The following KIF13A variants were observed in gnomAD, a reference collection of about 807,000 sequenced individuals.
KIF13A encodes kinesin family member 13A.
Under a neutral mutation model 212.2 loss-of-function variants are expected in KIF13A, and 79 were observed. That is an observed-to-expected ratio of 0.37 (90% CI 0.31 to 0.45). KIF13A has a LOEUF of 0.45. Ranked by LOEUF, KIF13A falls within the 20% of genes least tolerant of loss-of-function variation. The pLI, the probability that KIF13A is intolerant of heterozygous loss-of-function variation, is 1.00. For synonymous variants in KIF13A, 789 were observed against 808.6 expected (o/e 0.98, Z 0.41); for missense variants, 1,901 against 2,209.0 (o/e 0.86, Z 2.79).
intron 3 of KIF13A, among the ~76,000 whole-genome samples, chr6:17,874,920 T>C (rs1770363747): frequency 1.7e-5 from 2 of 118,430 alleles, no homozygotes; most frequent in African/African-American, 2.9e-5. Flanking sequence ...TCCAATCTCA[T>C]GCAGGTCGCT....
intron 2 of KIF13A, among the ~76,000 whole-genome samples, chr6:17,935,677 C>T (rs1187262762): frequency 6.6e-6 from 1 of 152,058 alleles, no homozygotes; most frequent in African/African-American, 2.4e-5. Context: ...GAGGAACTAC[C>T]CTTGACAGTC....
intron 38 of KIF13A, among the ~76,000 whole-genome samples, chr6:17,765,890 T>C (rs1360048030): frequency 6.6e-6 from 1 of 152,186 alleles, no homozygotes; most frequent in Non-Finnish European, 1.5e-5. Context: ...ATTCAACAAA[T>C]ACACACTGAA....
chr6:17,869,396 G>A (rs969929109), intron 4 of KIF13A, among the ~76,000 whole-genome samples: 8 of 152,100 alleles, frequency 5.3e-5, no homozygotes, highest in African/African-American at 9.7e-5. Context: ...TCCCTAAGTC[G>A]CCAGGTACTT....
rs534358456 is a variant in KIF13A, at chr6:17,871,542, A to G, written c.220+1835T>C. ...CACACACACAGTGGGTTGGGGGGGG[A>G]GTCATGAATACTTAAAAAATTATTG... On this transcript the variant is annotated intron_variant, in intron 4 of 38. Coordinates refer to ENST00000259711, the MANE Select transcript of KIF13A (RefSeq NM_022113.6). This position sits in a 1 kb window ranked among gnomAD's most constrained non-coding sequence, Gnocchi z 4.4. 6.6e-6 allele frequency among the ~76,000 whole-genome samples: 1 copy of G among 151,828 alleles called. No homozygotes were observed. The highest frequency in any genetic ancestry group is 2.4e-5 in the African/African-American group (1 of 41,366).
rs1206663503 is a variant in KIF13A at position 17,886,173 on chromosome 6, C to T, written c.159+11995G>A. 6.6e-6 allele frequency among the ~76,000 whole-genome samples: 1 copy of T among 152,206 alleles called. No individual in the cohort carries two copies. The highest frequency in any genetic ancestry group is 1.5e-5 in the Non-Finnish European group (1 of 68,046). ...AATAAAACCTAGATTAAATCTGAGT[C>T]ATGCTAATATCACCCACCATGAGCA... On this transcript the variant is annotated intron_variant, in intron 3 of 38. Coordinates refer to ENST00000259711, the MANE Select transcript of KIF13A (RefSeq NM_022113.6). This position sits in a 1 kb window ranked among gnomAD's most constrained non-coding sequence, Gnocchi z 5.6.
Position 17,869,577 on chromosome 6 carries a change from A to C in KIF13A, c.220+3800T>G, listed in dbSNP as rs528795511. Among the ~76,000 whole-genome samples, 3 of 152,298 alleles carry C rather than the reference A, an allele frequency of 2.0e-5. No homozygotes were observed. The East Asian group carries it at 5.8e-4, about 29-fold the overall frequency. On this transcript the variant is annotated intron_variant, in intron 4 of 38. Transcript: ENST00000259711. ...GGTGTTAGAGCCAGGATTTGAACCA[A>C]GTCTGACTTAAGAGCCCATATTCTT...
chr6:17,788,185 G>A (rs891895700), intron 26 of KIF13A, among the ~76,000 whole-genome samples: 32 of 152,116 alleles, frequency 2.1e-4, no homozygotes, highest in African/African-American at 5.3e-4. Context: ...TATTTAAATC[G>A]TAGCTATTCA....
Position 17,766,219 on chromosome 6 carries a change from G to GATTGATTGATTTATTT in KIF13A, c.4582-1274_4582-1273insAAATAAATCAATCAAT, listed in dbSNP as rs1554158989. On this transcript the variant is annotated intron_variant, in intron 38 of 38. Coordinates refer to ENST00000259711, the MANE Select transcript of KIF13A (RefSeq NM_022113.6). ...ATTAATTTACTTATTTTATTTTTAA[G>GATTGATTGATTTATTT]ATTTATTTATTTATTTATTTATTTA... is the stretch of plus-strand genomic sequence containing the variant. 3.8e-3 allele frequency among the ~76,000 whole-genome samples: 555 copies of GATTGATTGATTTATTT among 144,708 alleles called. 2 individuals are homozygous for GATTGATTGATTTATTT. The highest frequency in any genetic ancestry group is 0.013 in the African/African-American group (513 of 38,978). 94.9% of individuals were successfully genotyped at this position (144,708 alleles called of 152,430 possible).
At chr6:17,844,398 C>T (rs908673908) in intron 9 of KIF13A, among the ~76,000 whole-genome samples, 1 of 152,140 alleles carries the variant, frequency 6.6e-6, no homozygotes, top group Admixed American at 6.5e-5. Context: ...TTACTGTATA[C>T]TTTATTGTTC....
chr6:17,983,324 G>A (rs571681659), intron 2 of KIF13A, among the ~76,000 whole-genome samples: 4 of 152,068 alleles, frequency 2.6e-5, no homozygotes, highest in Non-Finnish European at 5.9e-5. Flanking sequence ...TTTCCGAGAG[G>A]TGAAGAGATG....
At position 17,768,129 on chromosome 6, in the gene KIF13A, T is replaced by C. The variant is rs1318528355; in HGVS notation, c.4581+2985A>G. On this transcript the variant is annotated intron_variant, in intron 38 of 38. Transcript: ENST00000259711. The surrounding 1 kb of genome is among the most constrained non-coding windows in gnomAD (Gnocchi z 5.4). Reference sequence around the variant, plus strand: ...CAATTAAGGGAGGATTTAATTGGCTTAAACTCATATTTTTGAGGGAGTTTG... The same window carrying C: ...CAATTAAGGGAGGATTTAATTGGCTCAAACTCATATTTTTGAGGGAGTTTG... Among the ~76,000 whole-genome samples the C allele has an allele frequency of 6.6e-6, 1 of 152,216 alleles. No homozygotes were observed. Among genetic ancestry groups the C allele is most frequent in the Non-Finnish European group, 1.5e-5 (1 of 68,046 alleles).
chr6:17,806,904 C>T (rs990242508), intron 18 of KIF13A, among the ~76,000 whole-genome samples: 3 of 152,172 alleles, frequency 2.0e-5, no homozygotes, highest in Non-Finnish European at 4.4e-5. Context: ...TGCAGGAAGT[C>T]AGGGACCCCA....
rs745391470 is a variant in KIF13A at position 17,934,161 on chromosome 6, T to C, written c.147-35981A>G. 3.4e-4 allele frequency among the ~76,000 whole-genome samples: 51 copies of C among 152,160 alleles called. No homozygotes were observed. The highest frequency in any genetic ancestry group is 5.7e-4 in the Non-Finnish European group (39 of 68,036). On this transcript the variant is annotated intron_variant, in intron 2 of 38. Coordinates refer to ENST00000259711, the MANE Select transcript of KIF13A (RefSeq NM_022113.6). This position sits in a 1 kb window ranked among gnomAD's most constrained non-coding sequence, Gnocchi z 5.4. ...ATTTTCATAAAAACCAGGACACAGT[T>C]TCTTCGTAATTACAAAAGGCACCTC...
At chr6:17,954,176 C>T (rs1778134645) in intron 2 of KIF13A, among the ~76,000 whole-genome samples, 1 of 151,884 alleles carries the variant, frequency 6.6e-6, no homozygotes, top group Non-Finnish European at 1.5e-5. Flanking sequence ...TGGCGGGCAC[C>T]TGTAGTCCCA....
intron 2 of KIF13A, among the ~76,000 whole-genome samples, chr6:17,959,382 T>C (rs1778626339): frequency 6.6e-6 from 1 of 152,230 alleles, no homozygotes; most frequent in South Asian, 2.1e-4. Flanking sequence ...ACATTATGTT[T>C]GGGAGATGCA....
intron 2 of KIF13A, among the ~76,000 whole-genome samples, chr6:17,903,290 C>T (rs76681918): frequency 6.6e-5 from 10 of 152,324 alleles, no homozygotes; most frequent in South Asian, 6.2e-4. Flanking sequence ...AACATTTCAA[C>T]AGCAGCATTC....
Position 17,777,404 on chromosome 6 carries a change from G to A in KIF13A, c.4093-50C>T, listed in dbSNP as rs1037899615. ...AACACTTTTTTTTTTTTTCCCCAGAGACAGAGTCTCACTCTGTTGCCCAGG... is the reference window on the plus strand; with the variant it reads ...AACACTTTTTTTTTTTTTCCCCAGAAACAGAGTCTCACTCTGTTGCCCAGG... On this transcript the variant is annotated intron_variant, in intron 33 of 38. Transcript: ENST00000259711. The surrounding 1 kb of genome is among the most constrained non-coding windows in gnomAD (Gnocchi z 4.4). The A allele has an allele frequency of 2.1e-6, 3 of 1,421,384 alleles. No homozygotes were observed. Among genetic ancestry groups the A allele is most frequent in the African/African-American group, 1.4e-5 (1 of 69,408 alleles). The allele number at this position is 1,421,384 out of a possible 1,614,324, so 88.0% of individuals were successfully genotyped here. A position where few individuals can be genotyped will look rare whatever the true frequency, so the allele number is the denominator to read the frequency against.
intron 2 of KIF13A, among the ~76,000 whole-genome samples, chr6:17,924,104 C>G (rs1423143785): frequency 6.6e-6 from 1 of 152,150 alleles, no homozygotes; most frequent in Non-Finnish European, 1.5e-5. Context: ...ATTTTTAAAA[C>G]TTTAAAAAAA....
intron 6 of KIF13A, among the ~76,000 whole-genome samples, chr6:17,852,592 ATT>A (rs1581527520): frequency 6.6e-6 from 1 of 151,958 alleles, no homozygotes; most frequent in African/African-American, 2.4e-5. Context: ...TAGTTTTTAT[ATT>A]TTTTGTAGAG....
Sources: allele counts gnomAD v4.1 joint callset (sites outside exome capture counted in the v4.1 genomes callset), GRCh38; gene constraint gnomAD v4.1.1; non-coding constraint Gnocchi (gnomAD v3.1); transcripts MANE v1.5; gene names NCBI Gene and HGNC (gene_info 2026-07-23, HGNC 2026-07-21).